Variants in EDN1 observed in about 807,000 individuals in gnomAD.
EDN1 encodes endothelin 1.
Under a neutral mutation model 21.7 loss-of-function variants are expected in EDN1, and 11 were observed. That is an observed-to-expected ratio of 0.51 (90% CI 0.32 to 0.84). The LOEUF is 0.84. Ranked by LOEUF, EDN1 falls within the 40% of genes least tolerant of loss-of-function variation. EDN1 has a pLI of 0.03. For synonymous variants in EDN1, 85 were observed against 90.6 expected (o/e 0.94, Z 0.35); for missense variants, 244 against 262.3 (o/e 0.93, Z 0.48).
the EDN1 span, among the ~76,000 whole-genome samples, chr6:12,279,041 A>C: frequency 6.6e-6 from 1 of 152,194 alleles, no homozygotes; most frequent in African/African-American, 2.4e-5. Flanking sequence ...TTTCTCTGGC[A>C]GTGCTTTTTG....
the EDN1 span, among the ~76,000 whole-genome samples, chr6:12,238,948 C>T: frequency 2.0e-5 from 3 of 152,202 alleles, no homozygotes; most frequent in Non-Finnish European, 4.4e-5. Context: ...TGTGTTATAT[C>T]AGTTGGGTGA....
At chr6:12,291,751 T>C (rs1364328274) in intron 1 of EDN1, among the ~76,000 whole-genome samples, 3 of 152,194 alleles carry the variant, frequency 2.0e-5, no homozygotes, top group Non-Finnish European at 4.4e-5. Context: ...GTTACCCTCC[T>C]GAATTGAATA....
the EDN1 span, among the ~76,000 whole-genome samples, chr6:12,274,815 A>G: frequency 6.6e-6 from 1 of 152,232 alleles, no homozygotes; most frequent in African/African-American, 2.4e-5. Context: ...ATTCAGCCCA[A>G]GCCTTCTAAC....
chr6:12,273,171 G>A, the EDN1 span, among the ~76,000 whole-genome samples: 41 of 152,324 alleles, frequency 2.7e-4, no homozygotes, highest in South Asian at 3.7e-3. Context: ...GTCAGAGGAG[G>A]CCTCCCCAGG....
At chr6:12,287,897 G>A (rs116418449), upstream of EDN1, among the ~76,000 whole-genome samples, 5,354 of 152,184 alleles carry the variant, frequency 0.035, 324 homozygotes, top group African/African-American at 0.12. Context: ...CCGAGCTCGA[G>A]AAGGGCCAGG....
At chr6:12,243,734 A>G in the EDN1 span, among the ~76,000 whole-genome samples, 2 of 152,230 alleles carry the variant, frequency 1.3e-5, no homozygotes, top group Admixed American at 1.3e-4. Context: ...TATCCCCAAA[A>G]GCCTATAGTT....
At chr6:12,272,897 T>G in the EDN1 span, among the ~76,000 whole-genome samples, 3 of 152,062 alleles carry the variant, frequency 2.0e-5, no homozygotes, top group South Asian at 4.1e-4. Context: ...ACAGGGAAAG[T>G]GTTTAGAGCA....
chr6:12,296,135 C>T lies in EDN1; in HGVS notation c.*68C>T. The T allele has an allele frequency of 1.4e-6, 2 of 1,398,962 alleles. No individual in the cohort carries two copies. The highest frequency in any genetic ancestry group is 2.3e-5 in the South Asian group (2 of 86,516). 86.7% of individuals were successfully genotyped at this position (1,398,962 alleles called of 1,614,324 possible). On this transcript the variant is annotated 3_prime_UTR_variant, in exon 5 of 5. Coordinates refer to ENST00000379375, the MANE Select transcript of EDN1 (RefSeq NM_001955.5). Reference sequence around the variant, plus strand: ...GCCCTGTGGCCGACTCTGCACTCTCCACCCTGGCTGGGATCAGAGCAGGAG... The same window carrying T: ...GCCCTGTGGCCGACTCTGCACTCTCTACCCTGGCTGGGATCAGAGCAGGAG...
At chr6:12,241,093 CT>C in the EDN1 span, among the ~76,000 whole-genome samples, 1 of 152,022 alleles carries the variant, frequency 6.6e-6, no homozygotes, top group East Asian at 1.9e-4. Context: ...GAACCCAATC[CT>C]TACTGCTCTT....
chr6:12,243,118 C>G, the EDN1 span, among the ~76,000 whole-genome samples: 1 of 151,842 alleles, frequency 6.6e-6, no homozygotes, highest in Admixed American at 6.6e-5. Flanking sequence ...CAATTAACAC[C>G]CATTTTGTAT....
the EDN1 span, among the ~76,000 whole-genome samples, chr6:12,282,909 A>G: frequency 2.5e-4 from 38 of 152,066 alleles, no homozygotes; most frequent in African/African-American, 9.2e-4. Flanking sequence ...ATCTGTACTT[A>G]GGGAAATAGC....
the EDN1 span, among the ~76,000 whole-genome samples, chr6:12,256,715 G>T: frequency 2.6e-5 from 4 of 152,110 alleles, no homozygotes; most frequent in Admixed American, 6.5e-5. Context: ...ACCATCCAAG[G>T]TTTATAAAAA....
chr6:12,276,238 T>G, the EDN1 span, among the ~76,000 whole-genome samples: 3 of 151,428 alleles, frequency 2.0e-5, no homozygotes, highest in Admixed American at 6.6e-5. Context: ...TGTTGGTAGT[T>G]TCAGGGAAAT....
At chr6:12,252,354 T>G in the EDN1 span, among the ~76,000 whole-genome samples, 2 of 152,232 alleles carry the variant, frequency 1.3e-5, no homozygotes, top group Non-Finnish European at 1.5e-5. Context: ...GAGGTTTTAA[T>G]TTCATACATG....
chr6:12,271,964 A>G, the EDN1 span, among the ~76,000 whole-genome samples: 1 of 152,172 alleles, frequency 6.6e-6, no homozygotes, highest in African/African-American at 2.4e-5. Context: ...GTGACTTGAT[A>G]TTTTTCTCAA....
rs1383893344 is a variant in EDN1 at position 12,292,413 on chromosome 6, G to A, written c.137G>A (p.Arg46Gln). 1.9e-6 allele frequency: 3 copies of A among 1,614,172 alleles called. No homozygotes were observed. The highest frequency in any genetic ancestry group is 1.1e-5 in the South Asian group (1 of 91,088). ...AAACCCACTCCCAGTCCACCCTGGC[G>A]GCTCCGCCGGTCCAAGCGCTGCTCC... Reference protein sequence around the residue: ...GEKPTPSPPWRLRRSKRCSCS... With the variant: ...GEKPTPSPPWQLRRSKRCSCS... The change falls in exon 2 of 5, where the codon CGG (arginine) becomes CAG (glutamine). Residue 46 changes from arginine (R) to glutamine (Q), a missense_variant. Arg to Gln is a conservative substitution (Grantham distance 43). Transcript: ENST00000379375.
At chr6:12,254,226 T>C in the EDN1 span, among the ~76,000 whole-genome samples, 8 of 152,204 alleles carry the variant, frequency 5.3e-5, no homozygotes, top group South Asian at 4.1e-4. Flanking sequence ...CGTGAGCATT[T>C]GCAATTCCCA....
chr6:12,247,898 C>A, the EDN1 span, among the ~76,000 whole-genome samples: 1 of 151,994 alleles, frequency 6.6e-6, no homozygotes, highest in African/African-American at 2.4e-5. Context: ...CCCTAAAATT[C>A]ATGTGTTGGG....
chr6:12,291,396 G>A (rs1474499472), intron 1 of EDN1, among the ~76,000 whole-genome samples: 2 of 152,150 alleles, frequency 1.3e-5, no homozygotes, highest in Non-Finnish European at 2.9e-5. Context: ...ATAATTCTTG[G>A]CTGCCGAAGG....
Sources: allele counts gnomAD v4.1 joint callset (sites outside exome capture counted in the v4.1 genomes callset), GRCh38; gene constraint gnomAD v4.1.1; transcripts MANE v1.5; gene names NCBI Gene and HGNC (gene_info 2026-07-23, HGNC 2026-07-21).